Variants in PNPLA8 observed in about 807,000 individuals in gnomAD.
PNPLA8 encodes the protein calcium-independent phospholipase A2-gamma.
In PNPLA8, 39 loss-of-function variants were observed where a neutral mutation model predicts 76.9. That is an observed-to-expected ratio of 0.51 (90% CI 0.39 to 0.66). The LOEUF (loss-of-function observed/expected upper bound fraction) is 0.66. Ranked by LOEUF, PNPLA8 falls within the 30% of genes least tolerant of loss-of-function variation. The pLI is 0.00. For missense variants in PNPLA8, 887 were observed against 918.0 expected, an observed-to-expected ratio of 0.97 and a Z score of 0.44; for synonymous variants, 301 against 307.9, an observed-to-expected ratio of 0.98 and a Z score of 0.24.
At chr7:108,483,871 T>C (rs1346528509) in intron 9 of PNPLA8, among the ~76,000 whole-genome samples, 1 of 152,220 alleles carries the variant, frequency 6.6e-6, no homozygotes, top group African/African-American at 2.4e-5. Flanking sequence ...AACAGATCAT[T>C]AGAATGATAC....
At chr7:108,505,317 TATATATATATATATATATATATATA>T (rs1862274169) in intron 4 of PNPLA8, among the ~76,000 whole-genome samples, 1 of 3,410 alleles carries the variant, frequency 2.9e-4, no homozygotes, top group African/African-American at 1.2e-3. Flanking sequence ...TATATATATA[TATATATATATATATATATATATATA>T]TATATATATA....
chr7:108,515,627 A>G, intron 2 of PNPLA8, 53 bp from the exon 3 acceptor site: 1 of 1,106,530 alleles, frequency 9.0e-7, no homozygotes, highest in Non-Finnish European at 1.2e-6. Flanking sequence ...GAAATTGGGT[A>G]TAACAGAAAA....
intron 1 of PNPLA8, among the ~76,000 whole-genome samples, chr7:108,523,421 G>T (rs1180618039): frequency 6.6e-6 from 1 of 151,542 alleles, no homozygotes; most frequent in South Asian, 2.1e-4. Context: ...CCGGCATCTG[G>T]TACCAGGATT....
intron 7 of PNPLA8, 79 bp from the exon 8 acceptor site, chr7:108,491,546 T>C (rs1861170061): frequency 1.1e-6 from 1 of 893,832 alleles, no homozygotes; most frequent in Non-Finnish European, 1.9e-6. Flanking sequence ...AGTATGCAAT[T>C]ACTATTTGTC....
Position 108,505,344 on chromosome 7 carries a change from ATATATATATTTTTTTTTTTT to A in PNPLA8, c.1207-2722_1207-2703del, listed in dbSNP as rs1489533534. ...TATATATATATATATATATATATAT[ATATATATATTTTTTTTTTTT>A]TTTTTTTTTTTTTTTTTGAGACGGA... is the stretch of plus-strand genomic sequence containing the variant. On this transcript the variant is annotated intron_variant, in intron 4 of 10. Coordinates refer to ENST00000257694, the MANE Select transcript of PNPLA8 (RefSeq NM_001256007.3). 3.7e-3 allele frequency among the ~76,000 whole-genome samples: 21 copies of A among 5,666 alleles called. 1 individual carries two copies. The highest frequency in any genetic ancestry group is 0.019 in the African/African-American group (20 of 1,070). The allele number at this position is 5,666 out of a possible 152,430, so 3.7% of individuals were successfully genotyped here.
intron 2 of PNPLA8, among the ~76,000 whole-genome samples, chr7:108,518,635 A>C (rs1372753859): frequency 6.6e-6 from 1 of 150,976 alleles, no homozygotes; most frequent in African/African-American, 2.4e-5. Context: ...CCTTCCTCTC[A>C]ATTTTCCTGT....
At chr7:108,509,942 C>A (rs1396947710) in intron 4 of PNPLA8, among the ~76,000 whole-genome samples, 2 of 142,980 alleles carry the variant, frequency 1.4e-5, no homozygotes, top group African/African-American at 2.6e-5. Flanking sequence ...AAACCAAACA[C>A]CGCATATTCT....
At chr7:108,522,357 A>C (rs1168133719) in intron 1 of PNPLA8, among the ~76,000 whole-genome samples, 4 of 151,958 alleles carry the variant, frequency 2.6e-5, no homozygotes, top group Admixed American at 6.6e-5. Flanking sequence ...GCAGCCTGCT[A>C]CCTGGAGCCT....
rs1282796695 is a variant in PNPLA8, at chr7:108,515,327, T to C, written c.165A>G (p.Ile55Met). Residue 55 changes from isoleucine (I) to methionine (M), a missense_variant, in exon 3 of 11, where the codon ATA becomes ATG. By Grantham distance (10) the Ile-to-Met change is conservative. Transcript: ENST00000257694. ...SLQRGFHTNI[I>M]RCKWTKSEAH... ...CTTCACTTTTGGTCCATTTACATCT[T>C]ATTATGTTTGTATGAAAACCTCTTT... The C allele has an allele frequency of 6.2e-7, 1 of 1,613,606 alleles. No individual in the cohort carries two copies. Among genetic ancestry groups the C allele is most frequent in the Non-Finnish European group, 8.5e-7 (1 of 1,179,812 alleles).
At chr7:108,495,152 T>A (rs748375899) in intron 7 of PNPLA8, among the ~76,000 whole-genome samples, 2 of 152,186 alleles carry the variant, frequency 1.3e-5, no homozygotes, top group Non-Finnish European at 2.9e-5. Context: ...AATTCAGCCA[T>A]GTATGTATCA....
chr7:108,505,182 T>C (rs1381685893), intron 4 of PNPLA8, among the ~76,000 whole-genome samples: 2 of 149,824 alleles, frequency 1.3e-5, no homozygotes, highest in Admixed American at 6.7e-5. Context: ...ACTGGATAAG[T>C]GTATTTTTTA....
intron 9 of PNPLA8, among the ~76,000 whole-genome samples, chr7:108,480,476 G>C (rs1272618641): frequency 6.6e-6 from 1 of 152,186 alleles, no homozygotes; most frequent in Non-Finnish European, 1.5e-5. Context: ...ATCCATGCCA[G>C]TTAACCGTCC....
chr7:108,504,815 G>A (rs1433728628), intron 4 of PNPLA8, among the ~76,000 whole-genome samples: 1 of 152,094 alleles, frequency 6.6e-6, no homozygotes, highest in African/African-American at 2.4e-5. Context: ...GGTGACTCAC[G>A]CCTGTAATCC....
At chr7:108,477,210 T>C (rs1020337857) in intron 10 of PNPLA8, among the ~76,000 whole-genome samples, 6 of 152,198 alleles carry the variant, frequency 3.9e-5, no homozygotes, top group African/African-American at 1.4e-4. Flanking sequence ...GTGGGAATCA[T>C]TACACAAGGT....
intron 6 of PNPLA8, 52 bp downstream of exon 6, chr7:108,497,431 C>A (rs537104627): frequency 1.6e-6 from 2 of 1,227,432 alleles, no homozygotes; most frequent in South Asian, 2.5e-5. Flanking sequence ...GCTTAATGTT[C>A]TTTTCCTTAA....
At chr7:108,521,231 G>C (rs1305369462) in intron 2 of PNPLA8, among the ~76,000 whole-genome samples, 3 of 152,084 alleles carry the variant, frequency 2.0e-5, no homozygotes, top group Non-Finnish European at 2.9e-5. Context: ...AAAATAAAGA[G>C]TCGAAAAGAG....
At chr7:108,510,477 T>C (rs1241186798) in intron 4 of PNPLA8, 1 of 1,426,326 alleles carries the variant, frequency 7.0e-7, no homozygotes. Context: ...AACTACTTTG[T>C]ACCTGCAGAA....
At chr7:108,484,990 T>C (rs1371950046) in intron 9 of PNPLA8, among the ~76,000 whole-genome samples, 1 of 152,174 alleles carries the variant, frequency 6.6e-6, no homozygotes, top group Non-Finnish European at 1.5e-5. Context: ...AAAAACACTC[T>C]TTACCTGGAA....
upstream of PNPLA8, among the ~76,000 whole-genome samples, chr7:108,526,578 T>G (rs933073798): frequency 2.0e-5 from 3 of 152,238 alleles, no homozygotes; most frequent in African/African-American, 7.2e-5. Context: ...CTGAGTTCCT[T>G]GGAGCTGGGG....
Sources: gnomAD v4.1 joint callset for allele counts (sites outside exome capture counted in the v4.1 genomes callset) on GRCh38, gnomAD v4.1.1 for gene constraint, MANE v1.5 for transcripts, NCBI Gene and HGNC (gene_info 2026-07-23, HGNC 2026-07-21) for gene names.